The following SYT1 variants were observed in gnomAD, a reference collection of about 807,000 sequenced individuals.
The protein encoded by SYT1 is synaptotagmin-1.
SYT1 carries 8 observed loss-of-function variants against 44.8 expected under a neutral mutation model. The observed-to-expected ratio is 0.18, with a 90% CI of 0.10 to 0.32. The LOEUF is 0.32. Ranked by LOEUF, SYT1 falls within the 10% of genes least tolerant of loss-of-function variation. The probability of loss-of-function intolerance (pLI) is 1.00; values close to 1 mark genes in which losing one functional copy is unlikely to be tolerated. For missense variants in SYT1, 286 were observed against 509.3 expected (o/e 0.56, Z 4.22); for synonymous variants, 154 against 188.8 (o/e 0.82, Z 1.51).
intron 2 of SYT1, among the ~76,000 whole-genome samples, chr12:79,014,578 A>G (rs562227041): frequency 1.1e-4 from 16 of 152,136 alleles, no homozygotes; most frequent in African/African-American, 3.1e-4. Context: ...GCTGGAGAGG[A>G]TGTGGAGAAA....
chr12:78,912,175 A>T (rs1056741139), intron 1 of SYT1, among the ~76,000 whole-genome samples: 1 of 151,978 alleles, frequency 6.6e-6, no homozygotes, highest in African/African-American at 2.4e-5. Context: ...GTGAAAATAG[A>T]TTTATTCATA....
intron 2 of SYT1, among the ~76,000 whole-genome samples, chr12:79,014,122 C>CAAAAAAAAAAAAAAAAAAAAAAAAAAA (rs1358787041): frequency 5.0e-5 from 2 of 39,722 alleles, no homozygotes; most frequent in African/African-American, 7.7e-5. Flanking sequence ...AGACTCTCTC[C>CAAAAAAAAAAAAAAAAAAAAAAAAAAA]AAAAAAAAAA....
intron 3 of SYT1, among the ~76,000 whole-genome samples, chr12:79,145,769 G>T (rs192902391): frequency 0.096 from 13,840 of 144,552 alleles, 981 homozygotes; most frequent in African/African-American, 0.19. Context: ...TTGTTTGTTT[G>T]TTTTTTGAGA....
At chr12:78,934,564 C>A (rs1336078108) in intron 1 of SYT1, among the ~76,000 whole-genome samples, 2 of 151,778 alleles carry the variant, frequency 1.3e-5, no homozygotes, top group African/African-American at 4.8e-5. Flanking sequence ...AACGAAATAA[C>A]AACAACAGAA....
chr12:78,891,520 G>A (rs536796781), intron 1 of SYT1, among the ~76,000 whole-genome samples: 15 of 151,856 alleles, frequency 9.9e-5, no homozygotes, highest in African/African-American at 3.6e-4. Context: ...AAAATATCTG[G>A]AACAAATTTG....
At chr12:79,291,365 G>A (rs1437681175) in intron 5 of SYT1, among the ~76,000 whole-genome samples, 1 of 152,200 alleles carries the variant, frequency 6.6e-6, no homozygotes, top group Non-Finnish European at 1.5e-5. Context: ...CTAGCTTTTG[G>A]TGGAGCTGTT....
chr12:79,304,947 T>G lies in SYT1; in HGVS notation c.810+5396T>G, dbSNP rs899290535. Among the ~76,000 whole-genome samples, 3 of 152,278 alleles carry G rather than the reference T, an allele frequency of 2.0e-5. No homozygotes were observed. In the East Asian group the frequency reaches 5.8e-4, roughly 29 times the overall value. The stretch of plus-strand genomic sequence containing the variant: ...ACAGAAGTATAGATGTGTTTTATTT[T>G]TTACAGTATCTTGGGTCATAGCTGT... On this transcript the variant is annotated intron_variant, in intron 8 of 10. Transcript: ENST00000261205.
chr12:78,976,996 G>A (rs1467815639), intron 1 of SYT1, among the ~76,000 whole-genome samples: 1 of 151,846 alleles, frequency 6.6e-6, no homozygotes, highest in East Asian at 1.9e-4. Flanking sequence ...GAAATATGGG[G>A]CAAAATTTTT....
intron 1 of SYT1, among the ~76,000 whole-genome samples, chr12:78,938,596 A>T (rs7972778): frequency 6.6e-6 from 1 of 152,290 alleles, no homozygotes; most frequent in Admixed American, 6.5e-5. Context: ...CACATGCACA[A>T]GTAAGCATGC....
chr12:79,172,420 C>G (rs536524218), intron 3 of SYT1, among the ~76,000 whole-genome samples: 4 of 151,952 alleles, frequency 2.6e-5, no homozygotes, highest in African/African-American at 7.2e-5. Context: ...TGTGAAGATG[C>G]TATCTGAATA....
At chr12:79,020,064 A>C (rs965920203) in intron 2 of SYT1, among the ~76,000 whole-genome samples, 2 of 152,070 alleles carry the variant, frequency 1.3e-5, no homozygotes, top group African/African-American at 2.4e-5. Context: ...CAAATCCAAC[A>C]TAAATTATTT....
chr12:79,285,657 G>A, intron 4 of SYT1, 130 bp from the exon 5 acceptor site: 2 of 635,348 alleles, frequency 3.1e-6, no homozygotes, highest in Non-Finnish European at 5.4e-6. Context: ...ACTGAGGAAT[G>A]GTGTACCTGC....
At chr12:79,427,241 C>T (rs1869505292) in intron 9 of SYT1, among the ~76,000 whole-genome samples, 1 of 152,186 alleles carries the variant, frequency 6.6e-6, no homozygotes. Flanking sequence ...TCAGGGAGGG[C>T]ACTGCTGGAT....
intron 7 of SYT1, among the ~76,000 whole-genome samples, chr12:79,298,663 A>G (rs140799775): frequency 0.011 from 1,646 of 152,260 alleles, 29 homozygotes; most frequent in African/African-American, 0.036. Flanking sequence ...AACCCATAGC[A>G]TCTGTCCCAG....
intron 3 of SYT1, among the ~76,000 whole-genome samples, chr12:79,102,469 G>T (rs898160126): frequency 2.6e-5 from 4 of 152,172 alleles, no homozygotes; most frequent in African/African-American, 9.7e-5. Context: ...CTTCTAAGAT[G>T]CAGCCACTCT....
chr12:79,340,119 T>C (rs1431717126), intron 8 of SYT1, among the ~76,000 whole-genome samples: 1 of 152,206 alleles, frequency 6.6e-6, no homozygotes, highest in Non-Finnish European at 1.5e-5. Context: ...CCTCCAGCTT[T>C]GTTCTTTTTG....
At chr12:79,313,745 G>A (rs1028007165) in intron 8 of SYT1, among the ~76,000 whole-genome samples, 4 of 152,034 alleles carry the variant, frequency 2.6e-5, no homozygotes, top group Admixed American at 6.5e-5. Context: ...TGTCTCCTTC[G>A]GCTTGTTGCT....
chr12:78,954,607 T>C (rs926550452), intron 1 of SYT1, among the ~76,000 whole-genome samples: 1 of 152,024 alleles, frequency 6.6e-6, no homozygotes, highest in East Asian at 1.9e-4. Context: ...GCTTCATCAG[T>C]TTGTTGTGCA....
intron 4 of SYT1, among the ~76,000 whole-genome samples, chr12:79,225,085 C>A: frequency 6.7e-6 from 1 of 149,882 alleles, no homozygotes; most frequent in East Asian, 2.0e-4. Flanking sequence ...CCAGCCCTGA[C>A]TTGAGTTTTT....
Sources: gnomAD v4.1 joint callset for allele counts (sites outside exome capture counted in the v4.1 genomes callset) on GRCh38, gnomAD v4.1.1 for gene constraint, MANE v1.5 for transcripts, NCBI Gene and HGNC (gene_info 2026-07-23, HGNC 2026-07-21) for gene names.